Variants in CPVL observed in about 807,000 individuals in gnomAD.
CPVL encodes carboxypeptidase vitellogenic like, also known as probable serine carboxypeptidase CPVL.
Under a neutral mutation model 63.7 loss-of-function variants are expected in CPVL, and 51 were observed. The ratio of observed to expected loss-of-function variants is 0.80; its 90% CI spans 0.64 to 1.01. The LOEUF is 1.01. Ranked by LOEUF, CPVL falls within the 50% of genes least tolerant of loss-of-function variation. The pLI is 0.00. For synonymous variants in CPVL, 195 were observed against 206.0 expected (o/e 0.95, Z 0.46); for missense variants, 530 against 573.1 (o/e 0.92, Z 0.77).
intron 5 of CPVL, among the ~76,000 whole-genome samples, chr7:29,177,117 C>T (rs952613032): frequency 2.0e-5 from 3 of 152,140 alleles, no homozygotes; most frequent in Non-Finnish European, 2.9e-5. Context: ...TGTCTTCTAG[C>T]ACAGAGACAC....
chr7:29,052,702 C>T (rs1790311316), intron 11 of CPVL, among the ~76,000 whole-genome samples: 1 of 152,038 alleles, frequency 6.6e-6, no homozygotes, highest in South Asian at 2.1e-4. Context: ...GAGGTCAGGA[C>T]ATCCAGACCA....
chr7:29,121,830 A>C (rs553056343), intron 1 of CPVL, among the ~76,000 whole-genome samples: 1 of 152,282 alleles, frequency 6.6e-6, no homozygotes, highest in Non-Finnish European at 1.5e-5. Context: ...GTATCAAAGA[A>C]CAACAACAAC....
At chr7:29,014,507 A>C (rs1207035593) in intron 12 of CPVL, among the ~76,000 whole-genome samples, 3 of 144,810 alleles carry the variant, frequency 2.1e-5, no homozygotes, top group Admixed American at 6.9e-5. Context: ...AATTCTTTTA[A>C]TTTTTTTTTT....
chr7:29,099,815 C>T (rs1334786315), intron 3 of CPVL, among the ~76,000 whole-genome samples: 2 of 152,214 alleles, frequency 1.3e-5, no homozygotes, highest in Non-Finnish European at 2.9e-5. Context: ...GGGAGCCAGA[C>T]AGGCTGTGGT....
intron 7 of CPVL, among the ~76,000 whole-genome samples, chr7:29,078,493 TAA>T (rs2128585728): frequency 6.6e-6 from 1 of 152,316 alleles, no homozygotes; most frequent in Admixed American, 6.5e-5. Flanking sequence ...GACTTTTAAA[TAA>T]AGAGTCTGAA....
chr7:29,113,430 A>T (rs1486272073), intron 2 of CPVL, among the ~76,000 whole-genome samples: 5 of 151,978 alleles, frequency 3.3e-5, no homozygotes, highest in Non-Finnish European at 5.9e-5. Flanking sequence ...ACTCAGGGGG[A>T]GCCAAATAGG....
chr7:29,146,477 G>A lies in CPVL; in HGVS notation c.-59C>T. 1 of 1,434,810 alleles carries A rather than the reference G, an allele frequency of 7.0e-7. No homozygotes were observed. Among genetic ancestry groups the A allele is most frequent in the Non-Finnish European group, 9.2e-7 (1 of 1,090,630 alleles). The allele number at this position is 1,434,810 out of a possible 1,614,324, so 88.9% of individuals were successfully genotyped here. A position where few individuals can be genotyped will look rare whatever the true frequency, so the allele number is the denominator to read the frequency against. On this transcript the variant is annotated 5_prime_UTR_variant, in exon 1 of 13. Coordinates refer to ENST00000265394, the MANE Select transcript of CPVL (RefSeq NM_031311.5). ...TGAGCCGCGGCGCGCAAGGACCCCA[G>A]CCGGTTGTCCTTGCAGCGCTTCCCA...
chr7:29,119,469 G>C (rs1026406436), intron 2 of CPVL, among the ~76,000 whole-genome samples: 1 of 121,666 alleles, frequency 8.2e-6, no homozygotes, highest in Non-Finnish European at 1.6e-5. Flanking sequence ...CCTGGCAACA[G>C]AGCAAGATTC....
chr7:29,046,083 AC>A (rs1037508156), intron 11 of CPVL, among the ~76,000 whole-genome samples: 3 of 146,188 alleles, frequency 2.1e-5, no homozygotes, highest in Non-Finnish European at 3.0e-5. Context: ...GACTAGATGA[AC>A]CTTTTTTTTT....
chr7:29,034,110 TA>T (rs1788289094), intron 11 of CPVL, among the ~76,000 whole-genome samples: 2 of 152,176 alleles, frequency 1.3e-5, no homozygotes, highest in South Asian at 4.1e-4. Flanking sequence ...ATCCTTTTTT[TA>T]AATTTTTTTT....
At chr7:29,032,749 G>C (rs948482408) in intron 11 of CPVL, among the ~76,000 whole-genome samples, 1 of 152,332 alleles carries the variant, frequency 6.6e-6, no homozygotes, top group African/African-American at 2.4e-5. Context: ...ACTACAGGCA[G>C]CTTGCATCTC....
intron 3 of CPVL, among the ~76,000 whole-genome samples, chr7:29,107,761 G>C (rs541650651): frequency 6.6e-6 from 1 of 152,316 alleles, no homozygotes; most frequent in South Asian, 2.1e-4. Context: ...GTGAGCAGTA[G>C]CACATTTGGG....
rs532585737 is a variant in CPVL at position 29,049,998 on chromosome 7, G to A, written c.1137+14063C>T. ...ATGATTAAAACTCTCAGCAAAATTG[G>A]CATACAAGGGACATACCTCAATGTA... On this transcript the variant is annotated intron_variant, in intron 11 of 12. Coordinates refer to ENST00000265394, the MANE Select transcript of CPVL (RefSeq NM_031311.5). 2.7e-3 allele frequency among the ~76,000 whole-genome samples: 409 copies of A among 152,066 alleles called. 1 individual carries two copies. The highest frequency in any genetic ancestry group is 9.5e-3 in the African/African-American group (395 of 41,472).
chr7:29,099,495 TGAGGTCAGGAGTTC>T (rs1786846225), intron 3 of CPVL, among the ~76,000 whole-genome samples: 1 of 152,120 alleles, frequency 6.6e-6, no homozygotes, highest in South Asian at 2.1e-4. Flanking sequence ...CAAGATCACC[TGAGGTCAGGAGTTC>T]GAGACCAGCC....
In CPVL at chr7:29,030,759, C is replaced by T. The variant is rs1787948144; in HGVS notation, c.1138G>A (p.Val380Ile). 1 of 1,597,650 alleles carries T rather than the reference C, an allele frequency of 6.3e-7. No individual in the cohort carries two copies. Among genetic ancestry groups the T allele is most frequent in the Non-Finnish European group, 8.5e-7 (1 of 1,173,680 alleles). The change falls in exon 12 of 13, where the codon GTT (valine) becomes ATT (isoleucine). Residue 380 changes from valine to isoleucine, a missense_variant and splice_region_variant. By Grantham distance (29) the Val-to-Ile change is conservative (BLOSUM62 3). Coordinates refer to ENST00000265394, the MANE Select transcript of CPVL (RefSeq NM_031311.5). ...WLTEIMNNYK[V>I]LIYNGQLDII... ...TCCAGTTGGCCATTGTAGATCAGAA[C>T]CTGAAATGAAATCAAGCCATCAGCA...
rs191160118 is a variant in CPVL at position 29,055,130 on chromosome 7, T to A, written c.1137+8931A>T. Among the ~76,000 whole-genome samples the A allele has an allele frequency of 7.9e-5, 12 of 152,372 alleles. No homozygotes were observed. The East Asian group carries it at 1.9e-3, about 24-fold the overall frequency. On this transcript the variant is annotated intron_variant, in intron 11 of 12. Coordinates refer to ENST00000265394, the MANE Select transcript of CPVL (RefSeq NM_031311.5). The stretch of plus-strand genomic sequence containing the variant: ...TATTTGTTTCTGTTTATTCACAGGC[T>A]GTAGCCTGTTTACTTTTGTGTTAGG...
chr7:29,046,746 G>A (rs932517059), intron 11 of CPVL, among the ~76,000 whole-genome samples: 1 of 152,030 alleles, frequency 6.6e-6, no homozygotes, highest in Non-Finnish European at 1.5e-5. Context: ...CAAGGAATAC[G>A]GGACCAGGGG....
intron 1 of CPVL, chr7:29,194,147 C>A: frequency 6.6e-6 from 1 of 152,544 alleles, no homozygotes; most frequent in Non-Finnish European, 1.5e-5. Flanking sequence ...TGTCTCGCTG[C>A]TCGAGAGCCC....
At chr7:29,142,730 T>C (rs1017748554) in intron 1 of CPVL, among the ~76,000 whole-genome samples, 6 of 152,050 alleles carry the variant, frequency 3.9e-5, no homozygotes, top group Non-Finnish European at 8.8e-5. Flanking sequence ...TTCACCATGT[T>C]GGCCAGGCTG....
Sources: allele counts gnomAD v4.1 joint callset (sites outside exome capture counted in the v4.1 genomes callset), GRCh38; gene constraint gnomAD v4.1.1; transcripts MANE v1.5; gene names NCBI Gene and HGNC (gene_info 2026-07-23, HGNC 2026-07-21).